SLIT3: variants seen among roughly 807,000 people sequenced by gnomAD.
SLIT3 encodes slit homolog 3 protein.
Under a neutral mutation model 184.0 loss-of-function variants are expected in SLIT3, and 68 were observed. The observed-to-expected ratio is 0.37, with a 90% CI of 0.30 to 0.45. The LOEUF is 0.45. Among genes scored for constraint, SLIT3 ranks in the 20% least tolerant of loss-of-function variants. The pLI is 1.00. For missense variants in SLIT3, 1,707 were observed against 2,026.0 expected (o/e 0.84, Z 3.02); for synonymous variants, 831 against 828.6 (o/e 1.00, Z -0.05).
intron 4 of SLIT3, among the ~76,000 whole-genome samples, chr5:169,064,161 G>T (rs1758270558): frequency 6.6e-6 from 1 of 152,130 alleles, no homozygotes; most frequent in South Asian, 2.1e-4. Context: ...CAGATAAACA[G>T]ATGCTCTTTC....
At chr5:169,107,080 T>G (rs939677606) in intron 4 of SLIT3, among the ~76,000 whole-genome samples, 1 of 152,242 alleles carries the variant, frequency 6.6e-6, no homozygotes, top group Non-Finnish European at 1.5e-5. Context: ...TGCAGCCACT[T>G]CAGCCAGGCC....
chr5:169,105,801 G>A (rs1338893863), intron 4 of SLIT3, among the ~76,000 whole-genome samples: 1 of 152,108 alleles, frequency 6.6e-6, no homozygotes, highest in Non-Finnish European at 1.5e-5. Context: ...CATTTTTTAT[G>A]GCTGCATAGT....
At position 168,822,730 on chromosome 5, in the gene SLIT3, A is replaced by C. The variant is rs1384324456; in HGVS notation, c.629+530T>G. ...CCAAGTATGAGAAAGACGGCATTCT[A>C]ATGTCAGAATATCATCCAGGGAGCA... On this transcript the variant is annotated intron_variant, in intron 7 of 35. Coordinates refer to ENST00000519560, the MANE Select transcript of SLIT3 (RefSeq NM_003062.4). Among the ~76,000 whole-genome samples the C allele has an allele frequency of 2.6e-5, 4 of 152,204 alleles. No individual in the cohort carries two copies. In the South Asian group the frequency reaches 8.3e-4, roughly 32 times the overall value.
chr5:168,815,808 T>C (rs1757319795), intron 8 of SLIT3, among the ~76,000 whole-genome samples: 1 of 152,226 alleles, frequency 6.6e-6, no homozygotes, highest in African/African-American at 2.4e-5. Flanking sequence ...CTGGCCATAC[T>C]GGAGTCCAGC....
intron 33 of SLIT3, among the ~76,000 whole-genome samples, chr5:168,672,480 T>C (rs982845031): frequency 6.6e-6 from 1 of 152,032 alleles, no homozygotes; most frequent in Non-Finnish European, 1.5e-5. Context: ...TTTTTGTGTT[T>C]TGTTGTTGTT....
intron 4 of SLIT3, among the ~76,000 whole-genome samples, chr5:169,144,878 G>T (rs1761876505): frequency 6.6e-6 from 1 of 152,126 alleles, no homozygotes; most frequent in Non-Finnish European, 1.5e-5. Context: ...GACGGAAAAT[G>T]TTGCCTGCCT....
chr5:169,059,714 C>T (rs1044738975), intron 4 of SLIT3, among the ~76,000 whole-genome samples: 1 of 152,190 alleles, frequency 6.6e-6, no homozygotes, highest in Non-Finnish European at 1.5e-5. Context: ...AATGAAAAGG[C>T]CTGAGTCTAC....
intron 4 of SLIT3, among the ~76,000 whole-genome samples, chr5:168,985,316 C>T (rs1274492328): frequency 6.6e-6 from 1 of 152,162 alleles, no homozygotes; most frequent in Non-Finnish European, 1.5e-5. Flanking sequence ...GGTTATCCTG[C>T]CCATTTTTCT....
chr5:168,852,093 G>A (rs1758700579), intron 5 of SLIT3, among the ~76,000 whole-genome samples: 1 of 152,136 alleles, frequency 6.6e-6, no homozygotes, highest in Non-Finnish European at 1.5e-5. Flanking sequence ...CTCAGAGGCT[G>A]GACAAATAAA....
At chr5:169,032,648 C>A (rs1319582049) in intron 4 of SLIT3, among the ~76,000 whole-genome samples, 1 of 145,312 alleles carries the variant, frequency 6.9e-6, no homozygotes, top group Non-Finnish European at 1.5e-5. Context: ...GTCATGGAGT[C>A]GATCTGCTAG....
intron 4 of SLIT3, among the ~76,000 whole-genome samples, chr5:169,085,537 C>G (rs1230948583): frequency 1.3e-5 from 2 of 152,154 alleles, no homozygotes; most frequent in Non-Finnish European, 2.9e-5. Flanking sequence ...TTGTCCAGAT[C>G]CACCCCAATT....
chr5:168,696,795 T>G (rs1256864956), intron 27 of SLIT3, among the ~76,000 whole-genome samples: 1 of 152,188 alleles, frequency 6.6e-6, no homozygotes, highest in African/African-American at 2.4e-5. Flanking sequence ...GCCCTCCCTT[T>G]GGCTCTTCTG....
chr5:169,251,523 G>T, intron 1 of SLIT3, 64 bp from the exon 2 acceptor site: 2 of 1,044,536 alleles, frequency 1.9e-6, no homozygotes, highest in South Asian at 1.3e-5. Context: ...ATTTAATCCA[G>T]ACTGGCTTGG....
intron 9 of SLIT3, among the ~76,000 whole-genome samples, chr5:168,805,770 T>C (rs1756933389): frequency 6.6e-6 from 1 of 152,204 alleles, no homozygotes. Flanking sequence ...CCCTCTCAGA[T>C]AATGGTAGCT....
intron 28 of SLIT3, among the ~76,000 whole-genome samples, chr5:168,694,940 T>C (rs2113261959): frequency 6.6e-6 from 1 of 152,352 alleles, no homozygotes; most frequent in South Asian, 2.1e-4. Context: ...TTCCATGCAC[T>C]TTCTCCCAGC....
At chr5:169,137,325 C>G (rs1031769044) in intron 4 of SLIT3, among the ~76,000 whole-genome samples, 101 of 100,812 alleles carry the variant, frequency 1.0e-3, no homozygotes, top group Non-Finnish European at 1.7e-3. Flanking sequence ...CACACACACA[C>G]ACACACACAC....
At chr5:169,119,933 T>C (rs1760820826) in intron 4 of SLIT3, 1 of 151,984 alleles carries the variant, frequency 6.6e-6, no homozygotes, top group Non-Finnish European at 1.5e-5. Context: ...ACTTAAAGAA[T>C]AAAAAAAGAT....
At chr5:168,947,202 C>T (rs762717502) in intron 4 of SLIT3, among the ~76,000 whole-genome samples, 9 of 152,192 alleles carry the variant, frequency 5.9e-5, no homozygotes, top group Non-Finnish European at 1.2e-4. Context: ...GCAATATAAA[C>T]TAAAAGGCTG....
intron 3 of SLIT3, among the ~76,000 whole-genome samples, chr5:169,211,182 T>C (rs954192825): frequency 4.6e-5 from 7 of 152,086 alleles, no homozygotes; most frequent in African/African-American, 1.4e-4. Context: ...CCATGACCCA[T>C]ATACAAAGAA....
Sources: gnomAD v4.1 joint callset for allele counts (sites outside exome capture counted in the v4.1 genomes callset) on GRCh38, gnomAD v4.1.1 for gene constraint, MANE v1.5 for transcripts, NCBI Gene and HGNC (gene_info 2026-07-23, HGNC 2026-07-21) for gene names.